The following PDE8A variants were observed in gnomAD, a reference collection of about 807,000 sequenced individuals.
The protein encoded by PDE8A is high affinity cAMP-specific and IBMX-insensitive 3',5'-cyclic phosphodiesterase 8A.
Under a neutral mutation model 105.0 loss-of-function variants are expected in PDE8A, and 59 were observed. That is an observed-to-expected ratio of 0.56 (90% confidence interval 0.46 to 0.70). The LOEUF is 0.70. PDE8A is among the 30% of genes least tolerant of loss of function. PDE8A has a pLI of 0.00. For missense variants in PDE8A, 1,014 were observed against 1,045.9 expected (o/e 0.97, Z 0.42); for synonymous variants, 355 against 371.9 (o/e 0.95, Z 0.52).
At chr15:85,091,805 A>G (rs1385367768) in intron 8 of PDE8A, among the ~76,000 whole-genome samples, 1 of 151,910 alleles carries the variant, frequency 6.6e-6, no homozygotes, top group African/African-American at 2.4e-5. Flanking sequence ...TGTGAACCAC[A>G]GCCTCTGATA....
At chr15:85,065,905 C>A (rs1366800254) in intron 2 of PDE8A, among the ~76,000 whole-genome samples, 6 of 152,244 alleles carry the variant, frequency 3.9e-5, no homozygotes, top group Admixed American at 3.3e-4. Context: ...GGCAGCCAGC[C>A]ACTGTCCTGG....
At chr15:85,077,974 A>G (rs555048158) in intron 5 of PDE8A, among the ~76,000 whole-genome samples, 33 of 151,204 alleles carry the variant, frequency 2.2e-4, no homozygotes, top group Non-Finnish European at 4.0e-4. Context: ...TTAGTTGTGT[A>G]TATGTAACTG....
intron 3 of PDE8A, among the ~76,000 whole-genome samples, chr15:85,075,263 C>T (rs1166233607): frequency 1.3e-5 from 2 of 152,208 alleles, no homozygotes; most frequent in Non-Finnish European, 2.9e-5. Flanking sequence ...GTCTCTTGTA[C>T]TTTTCTAGAC....
chr15:85,045,444 G>A (rs1596469501), intron 1 of PDE8A, among the ~76,000 whole-genome samples: 1 of 152,190 alleles, frequency 6.6e-6, no homozygotes, highest in African/African-American at 2.4e-5. Context: ...TCCCATTCCT[G>A]CAACTACTGC....
At position 85,123,190 on chromosome 15, in the gene PDE8A, T is replaced by A; in HGVS notation, c.2082T>A (p.Asn694Lys). 6.2e-7 allele frequency: 1 copy of A among 1,613,640 alleles called. No individual in the cohort carries two copies. The highest frequency in any genetic ancestry group is 8.5e-7 in the Non-Finnish European group (1 of 1,179,854). The change falls in exon 19 of 22, where the codon AAT (asparagine) becomes AAA (lysine). Residue 694 changes from asparagine (N) to lysine (K), a missense_variant. By Grantham distance (94) the Asn-to-Lys change is moderately conservative (BLOSUM62 0). Coordinates refer to ENST00000394553, the MANE Select transcript of PDE8A (RefSeq NM_002605.3). ...AACCCTTGGCAACACTAGAAGAAAATGGGGTAAGGGAAACTTATTGCAAAG... is the reference window on the plus strand; with the variant it reads ...AACCCTTGGCAACACTAGAAGAAAAAGGGGTAAGGGAAACTTATTGCAAAG... ...INKPLATLEE[N>K]GETDKNQEVI...
At chr15:85,018,313 G>A (rs1166813964) in intron 1 of PDE8A, among the ~76,000 whole-genome samples, 5 of 152,302 alleles carry the variant, frequency 3.3e-5, no homozygotes, top group Admixed American at 2.0e-4. Context: ...TATGCCAGAT[G>A]TAAGTCACCA....
chr15:85,094,206 G>T (rs116218377), intron 8 of PDE8A, among the ~76,000 whole-genome samples: 1,893 of 152,022 alleles, frequency 0.012, 25 homozygotes, highest in Middle Eastern at 0.037. Flanking sequence ...CTCAGAAACT[G>T]TGTGTTCTTC....
intron 11 of PDE8A, among the ~76,000 whole-genome samples, chr15:85,101,525 A>C (rs961551265): frequency 9.9e-5 from 15 of 152,220 alleles, no homozygotes; most frequent in African/African-American, 3.6e-4. Flanking sequence ...AAGAATCCTT[A>C]AATGCTAGGT....
intron 1 of PDE8A, chr15:85,063,336 T>C (rs1199367435): frequency 6.6e-6 from 1 of 152,240 alleles, no homozygotes; most frequent in East Asian, 1.9e-4. Context: ...CTAGTTCTTC[T>C]GTTGCTGTGA....
At chr15:85,058,669 A>T (rs1285263641) in intron 1 of PDE8A, among the ~76,000 whole-genome samples, 1 of 152,120 alleles carries the variant, frequency 6.6e-6, no homozygotes, top group African/African-American at 2.4e-5. Flanking sequence ...TTTTATCCAG[A>T]TTATCCAATT....
chr15:85,136,463 G>T (rs574195531), intron 20 of PDE8A, 71 bp from the exon 21 acceptor site: 39 of 1,518,302 alleles, frequency 2.6e-5, no homozygotes, highest in Non-Finnish European at 2.0e-5. Flanking sequence ...GCTCTTCCTG[G>T]GGGAGGGGCT....
intron 12 of PDE8A, among the ~76,000 whole-genome samples, chr15:85,112,530 T>G (rs916301090): frequency 2.0e-5 from 3 of 152,210 alleles, no homozygotes; most frequent in Non-Finnish European, 2.9e-5. Context: ...ACCAAAATTT[T>G]AAGAAGTTTA....
At chr15:85,097,702 C>T (rs2081780771) in intron 8 of PDE8A, 1 of 418,154 alleles carries the variant, frequency 2.4e-6, no homozygotes, top group Non-Finnish European at 4.3e-6. Context: ...CTCTTGTCTG[C>T]AGATGGCCAC....
Position 85,116,130 on chromosome 15 carries a change from G to T in PDE8A, c.1535+11G>T. 6.2e-7 allele frequency: 1 copy of T among 1,613,446 alleles called. No individual in the cohort carries two copies. Among genetic ancestry groups the T allele is most frequent in the Non-Finnish European group, 8.5e-7 (1 of 1,179,492 alleles). ...TGCCACCCACAATAGGTGAGTTCAT[G>T]CAGAGCTCAGCAGCGGGAGAACTAG... On this transcript the variant is annotated intron_variant, in intron 16 of 21. Coordinates refer to ENST00000394553, the MANE Select transcript of PDE8A (RefSeq NM_002605.3).
At chr15:85,015,699 C>A (rs777690852) in intron 1 of PDE8A, among the ~76,000 whole-genome samples, 1 of 152,172 alleles carries the variant, frequency 6.6e-6, no homozygotes, top group Non-Finnish European at 1.5e-5. Flanking sequence ...CATGTTTAAA[C>A]TCTGCATTCC....
At chr15:85,102,304 G>C (rs1328434289) in intron 11 of PDE8A, among the ~76,000 whole-genome samples, 1 of 152,142 alleles carries the variant, frequency 6.6e-6, no homozygotes, top group Non-Finnish European at 1.5e-5. Flanking sequence ...AGCACACATA[G>C]GGAGGGAGGG....
intron 3 of PDE8A, among the ~76,000 whole-genome samples, chr15:85,071,359 C>G (rs1301491545): frequency 1.3e-5 from 2 of 152,218 alleles, no homozygotes; most frequent in Non-Finnish European, 1.5e-5. Context: ...GCACTCTTGC[C>G]CCTGCCATCC....
chr15:85,047,708 C>T (rs1342942613), intron 1 of PDE8A, among the ~76,000 whole-genome samples: 1 of 152,096 alleles, frequency 6.6e-6, no homozygotes, highest in Non-Finnish European at 1.5e-5. Context: ...TTATGCTGTC[C>T]TTTGTCTGTA....
At chr15:85,103,135 T>C (rs1270398159) in intron 11 of PDE8A, among the ~76,000 whole-genome samples, 1 of 151,994 alleles carries the variant, frequency 6.6e-6, no homozygotes, top group Non-Finnish European at 1.5e-5. Context: ...GGCACGAGAA[T>C]TGCTTGAACC....
Sources: gnomAD v4.1 joint callset for allele counts (sites outside exome capture counted in the v4.1 genomes callset) on GRCh38, gnomAD v4.1.1 for gene constraint, MANE v1.5 for transcripts, NCBI Gene and HGNC (gene_info 2026-07-23, HGNC 2026-07-21) for gene names.